Variants in CAMK2D observed in about 807,000 individuals in gnomAD.
CAMK2D encodes calcium/calmodulin dependent protein kinase II delta, also known as calcium/calmodulin-dependent protein kinase type II subunit delta.
In CAMK2D, 37 loss-of-function variants were observed where a neutral mutation model predicts 84.0. The observed-to-expected ratio is 0.44, with a 90% CI of 0.34 to 0.58. CAMK2D has a LOEUF of 0.58. Ranked by LOEUF, CAMK2D falls within the 20% of genes least tolerant of loss-of-function variation. The pLI is 0.02. For synonymous variants in CAMK2D, 202 were observed against 212.5 expected (o/e 0.95, Z 0.43); for missense variants, 448 against 652.5 (o/e 0.69, Z 3.41).
At chr4:113,549,645 A>G (rs201504253) in intron 5 of CAMK2D, among the ~76,000 whole-genome samples, 1 of 152,204 alleles carries the variant, frequency 6.6e-6, no homozygotes, top group Non-Finnish European at 1.5e-5. Flanking sequence ...TGAATTTTGT[A>G]TAAGTTCACT....
At chr4:113,611,086 TAAATA>T (rs1168066425) in intron 3 of CAMK2D, among the ~76,000 whole-genome samples, 1 of 151,566 alleles carries the variant, frequency 6.6e-6, no homozygotes, top group South Asian at 2.1e-4. Flanking sequence ...ACAATGTATA[TAAATA>T]AAATAAGAAG....
At chr4:113,701,996 T>C (rs1049208092) in intron 2 of CAMK2D, among the ~76,000 whole-genome samples, 7 of 152,172 alleles carry the variant, frequency 4.6e-5, no homozygotes, top group Admixed American at 3.9e-4. Context: ...CCACCATGCC[T>C]AGCTCAATTA....
chr4:113,569,292 C>G (rs868266005), intron 4 of CAMK2D, among the ~76,000 whole-genome samples: 2 of 152,042 alleles, frequency 1.3e-5, no homozygotes, highest in South Asian at 4.1e-4. Context: ...TGTGTCATAT[C>G]CAAAAAAATT....
At chr4:113,563,614 G>A (rs1269198853) in intron 4 of CAMK2D, among the ~76,000 whole-genome samples, 2 of 152,252 alleles carry the variant, frequency 1.3e-5, no homozygotes, top group Non-Finnish European at 2.9e-5. Context: ...TAGTTTGGTG[G>A]ATGGTGCTAT....
At chr4:113,738,594 A>G (rs1015960976) in intron 2 of CAMK2D, among the ~76,000 whole-genome samples, 36 of 152,268 alleles carry the variant, frequency 2.4e-4, no homozygotes, top group African/African-American at 7.2e-4. Flanking sequence ...CTGGCAAAAC[A>G]TAACTTTTTA....
intron 16 of CAMK2D, among the ~76,000 whole-genome samples, chr4:113,497,442 T>C (rs2097953063): frequency 6.6e-6 from 1 of 152,122 alleles, no homozygotes; most frequent in South Asian, 2.1e-4. Flanking sequence ...TGAAGGAAAA[T>C]GGGCCTTTAA....
At chr4:113,462,955 T>C (rs2097407997) in intron 17 of CAMK2D, among the ~76,000 whole-genome samples, 1 of 152,204 alleles carries the variant, frequency 6.6e-6, no homozygotes, top group Admixed American at 6.5e-5. Flanking sequence ...GCAGGTTCTA[T>C]GGCACAGCTA....
chr4:113,684,192 T>C lies in CAMK2D; in HGVS notation c.161-22420A>G, dbSNP rs535229731. Among the ~76,000 whole-genome samples the C allele has an allele frequency of 2.0e-5, 3 of 152,336 alleles. No individual in the cohort carries two copies. In the South Asian group the frequency reaches 6.2e-4, roughly 32 times the overall value. ...AGAATGAAAGTCTACAGGCAGGGAC[T>C]TCAGTTAGAAAGCTAATGAAAATTG... On this transcript the variant is annotated intron_variant, in intron 2 of 20. Coordinates refer to ENST00000511664, the MANE Select transcript of CAMK2D (RefSeq NM_001321571.2).
intron 3 of CAMK2D, among the ~76,000 whole-genome samples, chr4:113,621,594 T>C (rs905521868): frequency 3.9e-5 from 6 of 152,220 alleles, no homozygotes; most frequent in African/African-American, 1.4e-4. Flanking sequence ...TAGTTGTACC[T>C]AAGATTTTTA....
chr4:113,717,767 T>C (rs2099518090), intron 2 of CAMK2D, among the ~76,000 whole-genome samples: 1 of 152,120 alleles, frequency 6.6e-6, no homozygotes, highest in Non-Finnish European at 1.5e-5. Context: ...CTTAGTTAAA[T>C]AATTAAACCT....
At chr4:113,521,059 A>G (rs887207645) in intron 8 of CAMK2D, among the ~76,000 whole-genome samples, 3 of 152,152 alleles carry the variant, frequency 2.0e-5, no homozygotes, top group African/African-American at 7.2e-5. Context: ...CTCTAATTAT[A>G]TCATGCTTTC....
At chr4:113,458,171 T>C (rs1311255609) in intron 18 of CAMK2D, among the ~76,000 whole-genome samples, 2 of 152,220 alleles carry the variant, frequency 1.3e-5, no homozygotes, top group Non-Finnish European at 2.9e-5. Context: ...ACTGTGATCA[T>C]CTGATAAACA....
intron 2 of CAMK2D, among the ~76,000 whole-genome samples, chr4:113,742,497 A>G (rs2099595277): frequency 6.6e-6 from 1 of 152,144 alleles, no homozygotes; most frequent in South Asian, 2.1e-4. Flanking sequence ...TGGAAAAAAC[A>G]TGGTATGTAA....
At chr4:113,614,123 T>C (rs939643969) in intron 3 of CAMK2D, among the ~76,000 whole-genome samples, 2 of 152,174 alleles carry the variant, frequency 1.3e-5, no homozygotes, top group African/African-American at 4.8e-5. Context: ...CAATGTTTTC[T>C]ATTTCAGTAC....
chr4:113,692,809 A>G (rs1561870432), intron 2 of CAMK2D, among the ~76,000 whole-genome samples: 2 of 152,036 alleles, frequency 1.3e-5, no homozygotes. Flanking sequence ...CTACCTATCT[A>G]TCTATCTTGA....
chr4:113,508,294 GA>G, intron 13 of CAMK2D: 1 of 1,502,752 alleles, frequency 6.7e-7, no homozygotes, highest in Non-Finnish European at 9.0e-7. Context: ...AAAGAGAAAG[GA>G]AAAGAAAAAA....
At chr4:113,566,799 C>T (rs1407801312) in intron 4 of CAMK2D, among the ~76,000 whole-genome samples, 2 of 152,170 alleles carry the variant, frequency 1.3e-5, no homozygotes, top group African/African-American at 4.8e-5. Flanking sequence ...AGCAACCATT[C>T]CCGATCACCC....
chr4:113,593,980 C>T (rs6853160), intron 4 of CAMK2D, among the ~76,000 whole-genome samples: 8,860 of 152,038 alleles, frequency 0.058, 333 homozygotes, highest in South Asian at 0.099. Flanking sequence ...AAACCTGAGA[C>T]TGAGTAATTT....
chr4:113,532,871 C>G (rs2098467127), intron 7 of CAMK2D, among the ~76,000 whole-genome samples: 1 of 151,832 alleles, frequency 6.6e-6, no homozygotes, highest in Non-Finnish European at 1.5e-5. Flanking sequence ...AATATTTTTT[C>G]TCTACCTCTT....
Sources: gnomAD v4.1 joint callset for allele counts (sites outside exome capture counted in the v4.1 genomes callset) on GRCh38, gnomAD v4.1.1 for gene constraint, MANE v1.5 for transcripts, NCBI Gene and HGNC (gene_info 2026-07-23, HGNC 2026-07-21) for gene names.